VEGFC: variants seen among roughly 807,000 people sequenced by gnomAD.
VEGFC encodes the protein FLT4 ligand DHM.
A neutral mutation model predicts 46.1 loss-of-function variants in VEGFC; 12 were observed. The observed-to-expected ratio is 0.26, with a 90% confidence interval of 0.17 to 0.42. The LOEUF (loss-of-function observed/expected upper bound fraction) is 0.42, where lower values mean the gene tolerates loss of function less well. Ranked by LOEUF, VEGFC falls within the 10% of genes least tolerant of loss-of-function variation. VEGFC has a pLI of 1.00. For synonymous variants in VEGFC, 232 were observed against 195.5 expected, an observed-to-expected ratio of 1.19 and a Z score of -1.56; for missense variants, 488 against 529.4, an observed-to-expected ratio of 0.92 and a Z score of 0.77.
At chr4:176,745,882 T>C (rs1437467196) in intron 1 of VEGFC, among the ~76,000 whole-genome samples, 1 of 152,094 alleles carries the variant, frequency 6.6e-6, no homozygotes, top group Admixed American at 6.6e-5. Flanking sequence ...ACTTCTTTTC[T>C]ATTACTGAGA....
chr4:176,788,609 A>T (rs963202702), intron 1 of VEGFC, among the ~76,000 whole-genome samples: 12 of 152,172 alleles, frequency 7.9e-5, no homozygotes, highest in Non-Finnish European at 2.9e-5. Flanking sequence ...TCACGATCAC[A>T]TGGCTGACTG....
In VEGFC at chr4:176,697,802, G is replaced by A. The variant is rs1409429008; in HGVS notation, c.705-9875C>T. Among the ~76,000 whole-genome samples the A allele has an allele frequency of 4.7e-5, 7 of 150,472 alleles. 1 individual carries two copies. The highest frequency in any genetic ancestry group is 2.7e-4 in the Admixed American group (4 of 14,854). ...CATATACACCATGGAATACTATGCAGCCATAAAAAATGATGAGTTCATGTC... is the reference window on the plus strand; with the variant it reads ...CATATACACCATGGAATACTATGCAACCATAAAAAATGATGAGTTCATGTC... On this transcript the variant is annotated intron_variant, in intron 4 of 6. Transcript: ENST00000618562.
At position 176,729,529 on chromosome 4, in the gene VEGFC, T is replaced by A; in HGVS notation, c.361+4A>T. The stretch of plus-strand genomic sequence containing the variant: ...TTACTATACATTTTATTTCCCATAC[T>A]TACTTTTCAAGATCTCTGTATTATA... On this transcript the variant is annotated splice_donor_region_variant and intron_variant, in intron 2 of 6. Transcript: ENST00000618562. 1 of 1,610,262 alleles carries A rather than the reference T, an allele frequency of 6.2e-7. No individual in the cohort carries two copies. The highest frequency in any genetic ancestry group is 8.5e-7 in the Non-Finnish European group (1 of 1,178,722).
chr4:176,784,857 G>A (rs965757353), intron 1 of VEGFC, among the ~76,000 whole-genome samples: 1 of 150,644 alleles, frequency 6.6e-6, no homozygotes, highest in Non-Finnish European at 1.5e-5. Flanking sequence ...TCTACTCATT[G>A]TGCTACAAAG....
Position 176,729,829 on chromosome 4 carries a change from T to A in VEGFC, c.148-83A>T, listed in dbSNP as rs115130845. ...TGCACTATAAAACGGTTAGGTTTAATAGTATCTATGCTCCGTTCCCTAACA... is the reference window on the plus strand; with the variant it reads ...TGCACTATAAAACGGTTAGGTTTAAAAGTATCTATGCTCCGTTCCCTAACA... On this transcript the variant is annotated intron_variant, in intron 1 of 6. Coordinates refer to ENST00000618562, the MANE Select transcript of VEGFC (RefSeq NM_005429.5). The A allele has an allele frequency of 9.5e-4, 1,007 of 1,054,988 alleles. 4 individuals carry two copies. In the African/African-American group the frequency reaches 0.012, roughly 12 times the overall value. 65.4% of individuals were successfully genotyped at this position (1,054,988 alleles called of 1,614,324 possible).
intron 4 of VEGFC, among the ~76,000 whole-genome samples, chr4:176,689,880 T>C (rs2110967355): frequency 6.6e-6 from 1 of 152,268 alleles, no homozygotes; most frequent in East Asian, 1.9e-4. Context: ...ATCAAGAGAG[T>C]TTGTCACTTT....
At position 176,702,087 on chromosome 4, in the gene VEGFC, A is replaced by C. The variant is rs186825004; in HGVS notation, c.704+9412T>G. Among the ~76,000 whole-genome samples the C allele has an allele frequency of 4.1e-4, 62 of 152,290 alleles. 1 individual carries two copies. The East Asian group carries it at 0.012, about 28-fold the overall frequency. ...GGATCTGTTAAATATTAATAGACCA[A>C]AAACACGGAGACCTCAAGTTCCAAA... is the stretch of plus-strand genomic sequence containing the variant. On this transcript the variant is annotated intron_variant, in intron 4 of 6. Transcript: ENST00000618562.
chr4:176,701,158 C>T (rs1734424700), intron 4 of VEGFC, among the ~76,000 whole-genome samples: 1 of 152,104 alleles, frequency 6.6e-6, no homozygotes, highest in Non-Finnish European at 1.5e-5. Flanking sequence ...ATGTACCATG[C>T]TAATGCAAGA....
At chr4:176,753,230 T>C (rs1437140189) in intron 1 of VEGFC, among the ~76,000 whole-genome samples, 2 of 151,990 alleles carry the variant, frequency 1.3e-5, no homozygotes, top group Admixed American at 6.6e-5. Flanking sequence ...GGCCAGGAAA[T>C]GGCAGAGGGT....
Position 176,792,358 on chromosome 4 carries a change from G to T in VEGFC, c.-47C>A. On this transcript the variant is annotated 5_prime_UTR_variant, in exon 1 of 7. Coordinates refer to ENST00000618562, the MANE Select transcript of VEGFC (RefSeq NM_005429.5). This position sits in a 1 kb window ranked among gnomAD's most constrained non-coding sequence, Gnocchi z 6.3. ...GGACCGGTCCGCTGGCGGGGGCAGG[G>T]GTGGGGGCGCGGGCGCCCCTGCGAG... 1 of 1,392,804 alleles carries T rather than the reference G, an allele frequency of 7.2e-7. No homozygotes were observed. Among genetic ancestry groups the T allele is most frequent in the South Asian group, 1.6e-5 (1 of 62,984 alleles). 86.3% of individuals were successfully genotyped at this position (1,392,804 alleles called of 1,614,324 possible).
At chr4:176,713,462 T>C (rs530870773) in intron 3 of VEGFC, among the ~76,000 whole-genome samples, 3 of 152,230 alleles carry the variant, frequency 2.0e-5, no homozygotes, top group Non-Finnish European at 4.4e-5. Context: ...AAAAGCAATT[T>C]TTAATAAATT....
intron 1 of VEGFC, among the ~76,000 whole-genome samples, chr4:176,737,525 T>C (rs909933065): frequency 6.6e-6 from 1 of 150,768 alleles, no homozygotes; most frequent in Non-Finnish European, 1.5e-5. Flanking sequence ...TTTATGAATG[T>C]TCAAAATAAA....
At chr4:176,766,484 G>A (rs1735624108) in intron 1 of VEGFC, among the ~76,000 whole-genome samples, 1 of 151,770 alleles carries the variant, frequency 6.6e-6, no homozygotes, top group Non-Finnish European at 1.5e-5. Context: ...GTACTCAGGA[G>A]ACTGAGGTGG....
At chr4:176,763,956 G>C (rs1735573910) in intron 1 of VEGFC, among the ~76,000 whole-genome samples, 1 of 148,544 alleles carries the variant, frequency 6.7e-6, no homozygotes, top group Admixed American at 6.7e-5. Context: ...AAACAAAAAT[G>C]TGTTCCCTTA....
chr4:176,736,309 G>A (rs886508906), intron 1 of VEGFC, among the ~76,000 whole-genome samples: 4 of 151,608 alleles, frequency 2.6e-5, no homozygotes, highest in African/African-American at 9.7e-5. Flanking sequence ...GTTTTCTCTT[G>A]ATTTATATAA....
At chr4:176,685,724 C>T (rs756374372) in intron 6 of VEGFC, among the ~76,000 whole-genome samples, 4 of 151,794 alleles carry the variant, frequency 2.6e-5, no homozygotes, top group Non-Finnish European at 4.4e-5. Context: ...TTTGAAATGT[C>T]CTCTTGGTTA....
chr4:176,729,868 T>A (rs1734932899), intron 1 of VEGFC, 122 bp from the exon 2 acceptor site: 1 of 538,620 alleles, frequency 1.9e-6, no homozygotes, highest in African/African-American at 2.0e-5. Context: ...ATATTATTAA[T>A]TACTCCTAAA....
intron 1 of VEGFC, among the ~76,000 whole-genome samples, chr4:176,747,912 T>C (rs1011466631): frequency 9.2e-5 from 14 of 152,010 alleles, no homozygotes; most frequent in Non-Finnish European, 4.4e-5. Context: ...ACTTTGCTAA[T>C]TACAAACTGA....
rs181398438 is a variant in VEGFC, at chr4:176,725,005, A to C, written c.552+2773T>G. On this transcript the variant is annotated intron_variant, in intron 3 of 6. Coordinates refer to ENST00000618562, the MANE Select transcript of VEGFC (RefSeq NM_005429.5). Reference sequence around the variant, plus strand: ...AGTAAGTTTTAGTGTTCAATAGTACATCAGGGAAATTGGAGTGAATAACGA... The same window carrying C: ...AGTAAGTTTTAGTGTTCAATAGTACCTCAGGGAAATTGGAGTGAATAACGA... 7.9e-5 allele frequency among the ~76,000 whole-genome samples: 12 copies of C among 152,288 alleles called. No homozygotes were observed. In the East Asian group the frequency reaches 2.3e-3, roughly 29 times the overall value.
Sources: allele counts gnomAD v4.1 joint callset (sites outside exome capture counted in the v4.1 genomes callset), GRCh38; gene constraint gnomAD v4.1.1; non-coding constraint Gnocchi (gnomAD v3.1); transcripts MANE v1.5; gene names NCBI Gene and HGNC (gene_info 2026-07-23, HGNC 2026-07-21).